Variants in SOX6 observed in about 807,000 individuals in gnomAD.
The protein encoded by SOX6 is SRY-box transcription factor 6, also known as transcription factor SOX-6.
SOX6 carries 11 observed loss-of-function variants against 97.8 expected under a neutral mutation model. The observed-to-expected ratio is 0.11, with a 90% CI of 0.07 to 0.19. The LOEUF (loss-of-function observed/expected upper bound fraction) is 0.19, where lower values mean the gene tolerates loss of function less well. SOX6 is among the 10% of genes least tolerant of loss of function. The pLI is 1.00. For synonymous variants in SOX6, 360 were observed against 371.4 expected, an observed-to-expected ratio of 0.97 and a Z score of 0.35; for missense variants, 810 against 1,039.5, an observed-to-expected ratio of 0.78 and a Z score of 3.04.
At chr11:16,469,757 G>A in intron 1 of SOX6, among the ~76,000 whole-genome samples, 1 of 152,000 alleles carries the variant, frequency 6.6e-6, no homozygotes, top group East Asian at 1.9e-4. Context: ...CAGTAATTCA[G>A]AAAGTCAGAG....
chr11:16,129,130 A>G (rs1849678529), intron 6 of SOX6, among the ~76,000 whole-genome samples: 1 of 151,438 alleles, frequency 6.6e-6, no homozygotes, highest in Non-Finnish European at 1.5e-5. Context: ...GGCCTCCCAA[A>G]GTGCTGGGAT....
chr11:16,089,813 C>A (rs1228520733), intron 9 of SOX6, among the ~76,000 whole-genome samples: 1 of 151,994 alleles, frequency 6.6e-6, no homozygotes, highest in African/African-American at 2.4e-5. Context: ...CCTGGAAGGT[C>A]AAATATTTTA....
chr11:16,030,685 T>C (rs375571720), intron 12 of SOX6, among the ~76,000 whole-genome samples: 2 of 152,182 alleles, frequency 1.3e-5, no homozygotes, highest in East Asian at 1.9e-4. Flanking sequence ...ATTTAGCTAA[T>C]CCTCAGTCCT....
intron 6 of SOX6, among the ~76,000 whole-genome samples, chr11:16,179,794 CGTT>C (rs1851298818): frequency 6.6e-6 from 1 of 151,862 alleles, no homozygotes; most frequent in Non-Finnish European, 1.5e-5. Context: ...CTTAAGAGAT[CGTT>C]GTTTAGTTAG....
chr11:16,727,826 A>T (rs1388838772), intron 2 of SOX6, among the ~76,000 whole-genome samples: 3 of 152,152 alleles, frequency 2.0e-5, no homozygotes, highest in African/African-American at 7.2e-5. Flanking sequence ...TTTCAACTTC[A>T]TATGCTCTGG....
At chr11:16,578,210 G>T (rs562121512) in intron 4 of SOX6, among the ~76,000 whole-genome samples, 1 of 152,214 alleles carries the variant, frequency 6.6e-6, no homozygotes, top group South Asian at 2.1e-4. Context: ...TGGCACCCTT[G>T]TCGAAAATAG....
chr11:15,988,502 A>G (rs941211787), intron 14 of SOX6, among the ~76,000 whole-genome samples: 22 of 152,246 alleles, frequency 1.4e-4, no homozygotes, highest in African/African-American at 5.1e-4. Flanking sequence ...TTTGCACTCC[A>G]TGAATTTCAT....
At chr11:16,491,618 A>G (rs1360214699) in intron 4 of SOX6, among the ~76,000 whole-genome samples, 1 of 152,186 alleles carries the variant, frequency 6.6e-6, no homozygotes, top group Non-Finnish European at 1.5e-5. Flanking sequence ...AATCTTGAGC[A>G]CAAAGAATAG....
chr11:16,705,306 C>A (rs1028311580), intron 3 of SOX6, among the ~76,000 whole-genome samples: 2 of 151,704 alleles, frequency 1.3e-5, no homozygotes, highest in African/African-American at 4.8e-5. Context: ...TAGTCTTCCA[C>A]CCCTTCTGCT....
intron 3 of SOX6, among the ~76,000 whole-genome samples, chr11:16,657,177 G>A (rs1312616366): frequency 6.6e-6 from 1 of 152,112 alleles, no homozygotes; most frequent in South Asian, 2.1e-4. Flanking sequence ...CCATAGTTTT[G>A]CTTTTTCCAA....
At chr11:16,475,664 T>C (rs573159571) in intron 1 of SOX6, among the ~76,000 whole-genome samples, 1 of 152,228 alleles carries the variant, frequency 6.6e-6, no homozygotes, top group South Asian at 2.1e-4. Flanking sequence ...GACATAATAA[T>C]AATGAGACAG....
chr11:16,177,395 G>C (rs1851221846), intron 6 of SOX6, among the ~76,000 whole-genome samples: 1 of 151,810 alleles, frequency 6.6e-6, no homozygotes, highest in Non-Finnish European at 1.5e-5. Flanking sequence ...TCATAATTTT[G>C]TCATATCCAA....
At chr11:16,714,123 AT>A (rs1386296340) in intron 3 of SOX6, among the ~76,000 whole-genome samples, 1 of 152,184 alleles carries the variant, frequency 6.6e-6, no homozygotes, top group Non-Finnish European at 1.5e-5. Flanking sequence ...AATATAAATT[AT>A]TTGACTTTTA....
At chr11:16,533,520 G>A (rs1861264709) in intron 4 of SOX6, among the ~76,000 whole-genome samples, 1 of 151,984 alleles carries the variant, frequency 6.6e-6, no homozygotes, top group Non-Finnish European at 1.5e-5. Context: ...CTTTGCAGAA[G>A]CAGAAAATGG....
intron 1 of SOX6, among the ~76,000 whole-genome samples, chr11:16,392,052 T>C (rs892693863): frequency 2.0e-5 from 3 of 151,994 alleles, no homozygotes; most frequent in Non-Finnish European, 4.4e-5. Context: ...TAAAATGACA[T>C]AGAGCTCCAA....
intron 3 of SOX6, among the ~76,000 whole-genome samples, chr11:16,303,104 T>C (rs533571372): frequency 1.3e-5 from 2 of 152,342 alleles, no homozygotes; most frequent in South Asian, 4.1e-4. Context: ...AGCATATGTA[T>C]GTGTGTATTT....
At chr11:16,686,464 T>C (rs1847970259) in intron 3 of SOX6, among the ~76,000 whole-genome samples, 1 of 152,210 alleles carries the variant, frequency 6.6e-6, no homozygotes. Context: ...TCCACAGATC[T>C]CTAGGGCATG....
chr11:16,274,899 T>C (rs1243584892), intron 3 of SOX6, among the ~76,000 whole-genome samples: 2 of 152,172 alleles, frequency 1.3e-5, no homozygotes, highest in African/African-American at 2.4e-5. Context: ...AGTATAATAG[T>C]ATGCAGGTAG....
Position 16,096,101 on chromosome 11 carries a change from G to A in SOX6, c.996C>T (p.His332=), listed in dbSNP as rs754026958. The A allele has an allele frequency of 5.0e-6, 8 of 1,610,506 alleles. No homozygotes were observed. Among genetic ancestry groups the A allele is most frequent in the Non-Finnish European group, 6.8e-6 (8 of 1,178,188 alleles). ...CCTTTAGCCTTTGGTTAATTTGTGGGTGGGAGACATGACCCTTCTGTTTAG... is the reference window on the plus strand; with the variant it reads ...CCTTTAGCCTTTGGTTAATTTGTGGATGGGAGACATGACCCTTCTGTTTAG... The part of the protein sequence containing the change: ...PLQLQKGHVS[H]PQINQRLKGL... The change falls in exon 9 of 16, where the codon CAC becomes CAT. Residue 332 remains histidine, a synonymous_variant. Coordinates refer to ENST00000683767, the MANE Select transcript of SOX6 (RefSeq NM_001367873.1).
Sources: allele counts gnomAD v4.1 joint callset (sites outside exome capture counted in the v4.1 genomes callset), GRCh38; gene constraint gnomAD v4.1.1; transcripts MANE v1.5; gene names NCBI Gene and HGNC (gene_info 2026-07-23, HGNC 2026-07-21).